CRTAC1: variants seen among roughly 807,000 people sequenced by gnomAD.
The protein encoded by CRTAC1 is acidic secreted protein in cartilage.
A neutral mutation model predicts 67.8 loss-of-function variants in CRTAC1; 37 were observed. The observed-to-expected ratio is 0.55, with a 90% CI of 0.42 to 0.72. The LOEUF (loss-of-function observed/expected upper bound fraction) is 0.72. Among genes scored for constraint, CRTAC1 ranks in the 30% least tolerant of loss-of-function variants. CRTAC1 has a pLI of 0.00. For missense variants in CRTAC1, 780 were observed against 931.6 expected (o/e 0.84, Z 2.12); for synonymous variants, 348 against 371.0 (o/e 0.94, Z 0.71).
chr10:97,884,106 A>C, intron 12 of CRTAC1, 100 bp downstream of exon 12: 2 of 1,383,624 alleles, frequency 1.4e-6, no homozygotes, highest in Non-Finnish European at 2.0e-6. Flanking sequence ...CCATCACTCT[A>C]GAGGCTGAGT....
chr10:98,010,789 C>T (rs990983254), intron 2 of CRTAC1, among the ~76,000 whole-genome samples: 3 of 152,166 alleles, frequency 2.0e-5, no homozygotes, highest in Non-Finnish European at 4.4e-5. Flanking sequence ...GATCCTAGAG[C>T]CCCACTGGTA....
At chr10:97,910,221 G>C (rs1449225878) in intron 5 of CRTAC1, among the ~76,000 whole-genome samples, 1 of 152,204 alleles carries the variant, frequency 6.6e-6, no homozygotes, top group East Asian at 1.9e-4. Flanking sequence ...CCCCAAAAAA[G>C]TATGTGAGAT....
chr10:97,874,610 C>T (rs657248), intron 14 of CRTAC1, among the ~76,000 whole-genome samples: 66,129 of 151,968 alleles, frequency 0.44, 14,724 homozygotes, highest in Middle Eastern at 0.51. Flanking sequence ...TGAACGGGCC[C>T]GGGGCTCCAT....
chr10:97,998,025 C>T (rs1286365251), intron 2 of CRTAC1, among the ~76,000 whole-genome samples: 1 of 152,160 alleles, frequency 6.6e-6, no homozygotes, highest in African/African-American at 2.4e-5. Flanking sequence ...GGCTGGAGTG[C>T]AGTGGTGCGA....
chr10:97,912,653 A>G (rs2050704221), intron 5 of CRTAC1, among the ~76,000 whole-genome samples: 1 of 152,162 alleles, frequency 6.6e-6, no homozygotes, highest in African/African-American at 2.4e-5. Flanking sequence ...ATGCAGCTGA[A>G]CTTCTCCAAG....
intron 2 of CRTAC1, among the ~76,000 whole-genome samples, chr10:97,976,995 T>C (rs954015803): frequency 7.2e-5 from 11 of 152,240 alleles, no homozygotes; most frequent in Admixed American, 7.2e-4. Flanking sequence ...GTGTGAAGTA[T>C]GTATTCCCTC....
chr10:97,876,252 C>A (rs1249557900), intron 14 of CRTAC1, among the ~76,000 whole-genome samples: 1 of 152,150 alleles, frequency 6.6e-6, no homozygotes, highest in Non-Finnish European at 1.5e-5. Context: ...GCTGTATGAC[C>A]CTGCACAAAC....
At chr10:97,930,138 G>A (rs1334132135) in intron 3 of CRTAC1, among the ~76,000 whole-genome samples, 2 of 152,194 alleles carry the variant, frequency 1.3e-5, no homozygotes, top group Non-Finnish European at 2.9e-5. Flanking sequence ...AGAAACAGGG[G>A]CTCAGAGGCT....
chr10:97,971,853 A>G (rs1270623052), intron 2 of CRTAC1, among the ~76,000 whole-genome samples: 1 of 152,154 alleles, frequency 6.6e-6, no homozygotes, highest in Non-Finnish European at 1.5e-5. Context: ...CTGTTTTGAG[A>G]GCCCCCAGCT....
intron 4 of CRTAC1, among the ~76,000 whole-genome samples, chr10:97,919,569 G>A (rs4919156): frequency 0.66 from 100,151 of 151,836 alleles, 34,611 homozygotes; most frequent in East Asian, 0.83. Context: ...GCTGCTACCC[G>A]GAAATCTGTG....
At chr10:97,967,472 G>A (rs1171331402) in intron 2 of CRTAC1, among the ~76,000 whole-genome samples, 1 of 152,176 alleles carries the variant, frequency 6.6e-6, no homozygotes, top group Non-Finnish European at 1.5e-5. Context: ...CCAAGATCTG[G>A]GGGCTAGGTG....
At position 97,935,657 on chromosome 10, in the gene CRTAC1, T is replaced by C. The variant is rs553100763; in HGVS notation, c.421+513A>G. Among the ~76,000 whole-genome samples the C allele has an allele frequency of 2.6e-5, 4 of 152,294 alleles. No individual in the cohort carries two copies. The South Asian group carries it at 8.3e-4, about 32-fold the overall frequency. ...TCAGCATCTCTAGGCTGGCATAGTG[T>C]AGGTGCTTAGCAAGAATTTGGGGAG... On this transcript the variant is annotated intron_variant, in intron 3 of 14. Transcript: ENST00000370597.
intron 2 of CRTAC1, among the ~76,000 whole-genome samples, chr10:97,940,877 C>T (rs551203749): frequency 6.6e-6 from 1 of 152,270 alleles, no homozygotes; most frequent in Middle Eastern, 3.4e-3. Flanking sequence ...ACAACAAACC[C>T]GGGGCACAAT....
intron 5 of CRTAC1, among the ~76,000 whole-genome samples, chr10:97,910,412 C>A (rs1274554118): frequency 6.6e-6 from 1 of 152,230 alleles, no homozygotes; most frequent in Non-Finnish European, 1.5e-5. Flanking sequence ...ATTGCAGAAT[C>A]TCAGGCCCCT....
At chr10:97,899,575 T>C (rs767692147) in intron 8 of CRTAC1, among the ~76,000 whole-genome samples, 3 of 152,244 alleles carry the variant, frequency 2.0e-5, no homozygotes, top group South Asian at 2.1e-4. Context: ...TAACTAGCAA[T>C]TGATCTTCTG....
Position 97,865,380 on chromosome 10 carries a change from G to A in CRTAC1, c.*168C>T. ...ATCACAGCTATGTGCCCAGCACAGGGCCTGGCCTTACGAGTCTCCCTAATT... is the reference window on the plus strand; with the variant it reads ...ATCACAGCTATGTGCCCAGCACAGGACCTGGCCTTACGAGTCTCCCTAATT... On this transcript the variant is annotated 3_prime_UTR_variant, in exon 15 of 15. Coordinates refer to ENST00000370597, the MANE Select transcript of CRTAC1 (RefSeq NM_018058.7). The A allele has an allele frequency of 1.3e-6, 1 of 786,638 alleles. No homozygotes were observed. The highest frequency in any genetic ancestry group is 3.3e-4 in the Middle Eastern group (1 of 2,990). The allele number at this position is 786,638 out of a possible 1,614,324, so 48.7% of individuals were successfully genotyped here. A position where few individuals can be genotyped will look rare whatever the true frequency, so the allele number is the denominator to read the frequency against.
At chr10:97,926,462 T>C (rs972492016) in intron 3 of CRTAC1, among the ~76,000 whole-genome samples, 1 of 152,170 alleles carries the variant, frequency 6.6e-6, no homozygotes, top group Non-Finnish European at 1.5e-5. Context: ...CTCCTCAAAA[T>C]TCCTGGGAGT....
chr10:97,887,245 T>C (rs979221435), intron 11 of CRTAC1, among the ~76,000 whole-genome samples: 2 of 126,626 alleles, frequency 1.6e-5, no homozygotes, highest in Non-Finnish European at 3.4e-5. Context: ...TTTTTTTTTT[T>C]CTGTTTTTAT....
At chr10:97,951,593 C>G (rs2051356496) in intron 2 of CRTAC1, among the ~76,000 whole-genome samples, 1 of 152,232 alleles carries the variant, frequency 6.6e-6, no homozygotes, top group Middle Eastern at 3.4e-3. Flanking sequence ...TGAGAAAGTA[C>G]CAAATTGTAC....
Sources: allele counts gnomAD v4.1 joint callset (sites outside exome capture counted in the v4.1 genomes callset), GRCh38; gene constraint gnomAD v4.1.1; transcripts MANE v1.5; gene names NCBI Gene and HGNC (gene_info 2026-07-23, HGNC 2026-07-21).